UBTD1: variants seen among roughly 807,000 people sequenced by gnomAD.
UBTD1 encodes ubiquitin domain-containing protein 1.
A neutral mutation model predicts 21.7 loss-of-function variants in UBTD1; 19 were observed. The observed-to-expected ratio is 0.87, with a 90% CI of 0.61 to 1.28. UBTD1 has a LOEUF of 1.28. Ranked by LOEUF, UBTD1 falls within the 50% of genes most tolerant of loss-of-function variation. The probability of loss-of-function intolerance (pLI) is 0.00; values close to 1 mark genes in which losing one functional copy is unlikely to be tolerated. For synonymous variants in UBTD1, 116 were observed against 135.1 expected (o/e 0.86, Z 0.98); for missense variants, 282 against 315.1 (o/e 0.89, Z 0.80).
intron 1 of UBTD1, among the ~76,000 whole-genome samples, chr10:97,556,450 T>C (rs1175067243): frequency 6.6e-6 from 1 of 152,236 alleles, no homozygotes; most frequent in Admixed American, 6.5e-5. Context: ...AGTCAAGTCT[T>C]GACCGGTTTT....
At chr10:97,554,650 A>C (rs1451246772) in intron 1 of UBTD1, among the ~76,000 whole-genome samples, 7 of 152,078 alleles carry the variant, frequency 4.6e-5, no homozygotes, top group African/African-American at 1.4e-4. Flanking sequence ...TCCTGGGCTC[A>C]AGTGACCCTC....
chr10:97,563,089 G>C (rs543122777), intron 1 of UBTD1, among the ~76,000 whole-genome samples: 7 of 152,140 alleles, frequency 4.6e-5, no homozygotes, highest in Non-Finnish European at 5.9e-5. Flanking sequence ...AGAATGATTA[G>C]TGATGGCCTG....
At chr10:97,525,017 C>T (rs2040482108) in intron 1 of UBTD1, among the ~76,000 whole-genome samples, 1 of 152,220 alleles carries the variant, frequency 6.6e-6, no homozygotes. Flanking sequence ...AGGTAACTAA[C>T]AGCCTCACTA....
chr10:97,538,203 A>G (rs1278579416), intron 1 of UBTD1, among the ~76,000 whole-genome samples: 1 of 151,888 alleles, frequency 6.6e-6, no homozygotes, highest in Non-Finnish European at 1.5e-5. Context: ...TAAAATTTAC[A>G]TATATTGGCC....
intron 1 of UBTD1, 98 bp from the exon 2 acceptor site, chr10:97,567,816 G>A (rs566127672): frequency 2.6e-6 from 3 of 1,165,558 alleles, no homozygotes; most frequent in East Asian, 2.6e-5. Flanking sequence ...GTGCAGCAGG[G>A]TTTCAGGGTC....
chr10:97,499,514 T>G (rs2040318636), intron 1 of UBTD1, among the ~76,000 whole-genome samples: 2 of 150,984 alleles, frequency 1.3e-5, no homozygotes, highest in African/African-American at 2.4e-5. Flanking sequence ...TAGCTCCTGG[T>G]GGGGGTGGGG....
chr10:97,554,523 C>T (rs1426074583), intron 1 of UBTD1, among the ~76,000 whole-genome samples: 3 of 151,858 alleles, frequency 2.0e-5, no homozygotes, highest in Non-Finnish European at 4.4e-5. Context: ...CTGGGATTAC[C>T]TGCGTGAGCC....
intron 1 of UBTD1, among the ~76,000 whole-genome samples, chr10:97,540,451 TG>T (rs1472722802): frequency 2.0e-5 from 3 of 152,196 alleles, no homozygotes; most frequent in African/African-American, 7.2e-5. Flanking sequence ...CCCAGCTGTG[TG>T]GCCTTTGGAT....
intron 1 of UBTD1, among the ~76,000 whole-genome samples, chr10:97,552,769 TG>T (rs1292644518): frequency 1.3e-5 from 2 of 152,176 alleles, no homozygotes; most frequent in Non-Finnish European, 2.9e-5. Flanking sequence ...CTTTTTTCAC[TG>T]TATGGTGGAC....
intron 1 of UBTD1, among the ~76,000 whole-genome samples, chr10:97,513,238 T>C (rs895943270): frequency 6.6e-6 from 1 of 152,222 alleles, no homozygotes; most frequent in African/African-American, 2.4e-5. Flanking sequence ...GCACATATTA[T>C]ACATGTATAT....
intron 1 of UBTD1, among the ~76,000 whole-genome samples, chr10:97,562,441 G>A (rs946520607): frequency 4.6e-5 from 7 of 152,210 alleles, no homozygotes; most frequent in East Asian, 1.9e-4. Flanking sequence ...TTGTAGGTTT[G>A]GGATAGGTGG....
intron 1 of UBTD1, among the ~76,000 whole-genome samples, chr10:97,542,987 T>A (rs528948914): frequency 8.5e-5 from 13 of 152,384 alleles, no homozygotes; most frequent in African/African-American, 3.1e-4. Context: ...ACCTCTCTGC[T>A]GCTCCCAAAC....
rs72833986 is a variant in UBTD1 at position 97,502,823 on chromosome 10, G to A, written c.70+3550G>A. On this transcript the variant is annotated intron_variant, in intron 1 of 2. Coordinates refer to ENST00000370664, the MANE Select transcript of UBTD1 (RefSeq NM_024954.5). The stretch of plus-strand genomic sequence containing the variant: ...CAAGTTTTGTGATTGTCACTCATAT[G>A]TGTGTGTGTGCGTATGTGTGTATAC... Among the ~76,000 whole-genome samples the A allele has an allele frequency of 5.2e-3, 467 of 90,324 alleles. 2 individuals are homozygous for A. Among genetic ancestry groups the A allele is most frequent in the Non-Finnish European group, 7.4e-3 (343 of 46,470 alleles). The allele number at this position is 90,324 out of a possible 152,430, so 59.3% of individuals were successfully genotyped here. A position where few individuals can be genotyped will look rare whatever the true frequency, so the allele number is the denominator to read the frequency against.
intron 1 of UBTD1, among the ~76,000 whole-genome samples, chr10:97,531,432 G>A (rs557153869): frequency 7.7e-4 from 117 of 152,052 alleles, no homozygotes; most frequent in African/African-American, 2.8e-3. Context: ...TGTACTTTAT[G>A]TAGAGACGAG....
chr10:97,570,418 C>T lies in UBTD1; in HGVS notation c.579C>T (p.Phe193=). The T allele has an allele frequency of 6.2e-7, 1 of 1,613,384 alleles. No individual in the cohort carries two copies. ...GIEPSWQRWF[F]SGKLLTDRTR... is the part of the protein sequence containing the mutation. ...AGCCATCGTGGCAGCGGTGGTTCTT[C>T]TCCGGGAAGCTGCTCACAGACCGCA... Residue 193 remains phenylalanine (F), a synonymous_variant, in exon 3 of 3, where the codon TTC becomes TTT. Transcript: ENST00000370664. This position sits in a 1 kb window ranked among gnomAD's most constrained non-coding sequence, Gnocchi z 6.6.
rs564403018 is a variant in UBTD1 at position 97,541,384 on chromosome 10, G to A, written c.71-26530G>A. 4.5e-4 allele frequency among the ~76,000 whole-genome samples: 68 copies of A among 152,108 alleles called. 1 individual carries two copies. The highest frequency in any genetic ancestry group is 1.3e-3 in the African/African-American group (56 of 41,500). On this transcript the variant is annotated intron_variant, in intron 1 of 2. Transcript: ENST00000370664. ...CCCAGCTACTTTGGGAGGTTGAGAC[G>A]GGAGGATTGCTTGAGCGCAGGAGGT...
chr10:97,528,965 G>A (rs1451343698), intron 1 of UBTD1, among the ~76,000 whole-genome samples: 291 of 151,776 alleles, frequency 1.9e-3, no homozygotes, highest in African/African-American at 6.6e-3. Flanking sequence ...CCTCCCTCCC[G>A]GACAGGGTGG....
chr10:97,526,854 C>CAAAA (rs35330483), intron 1 of UBTD1, among the ~76,000 whole-genome samples: 4 of 63,302 alleles, frequency 6.3e-5, no homozygotes, highest in Non-Finnish European at 1.2e-4. Context: ...GACTCCGTCT[C>CAAAA]AAAAAAAAAA....
At chr10:97,541,468 AC>A (rs1483392473) in intron 1 of UBTD1, among the ~76,000 whole-genome samples, 1 of 152,048 alleles carries the variant, frequency 6.6e-6, no homozygotes, top group African/African-American at 2.4e-5. Context: ...ACAGAGCAAG[AC>A]CCTGTCTCAA....
Sources: gnomAD v4.1 joint callset for allele counts (sites outside exome capture counted in the v4.1 genomes callset) on GRCh38, gnomAD v4.1.1 for gene constraint, Gnocchi (gnomAD v3.1) non-coding constraint, MANE v1.5 for transcripts, NCBI Gene and HGNC (gene_info 2026-07-23, HGNC 2026-07-21) for gene names.